Variants in CMTR1 observed in about 807,000 individuals in gnomAD.
The protein encoded by CMTR1 is cap methyltransferase 1, also known as cap-specific mRNA (nucleoside-2'-O-)-methyltransferase 1.
CMTR1 carries 39 observed loss-of-function variants against 107.0 expected under a neutral mutation model. The observed-to-expected ratio is 0.36, with a 90% CI of 0.28 to 0.48. The LOEUF (loss-of-function observed/expected upper bound fraction) is 0.48, where lower values mean the gene tolerates loss of function less well. CMTR1 is among the 20% of genes least tolerant of loss of function. The pLI, the probability that CMTR1 is intolerant of heterozygous loss-of-function variation, is 0.99. For missense variants in CMTR1, 672 were observed against 1,064.9 expected, an observed-to-expected ratio of 0.63 and a Z score of 5.14; for synonymous variants, 366 against 379.5, an observed-to-expected ratio of 0.96 and a Z score of 0.41.
chr6:37,448,061 A>C (rs535233356), intron 4 of CMTR1, among the ~76,000 whole-genome samples: 1 of 151,810 alleles, frequency 6.6e-6, no homozygotes, highest in African/African-American at 2.4e-5. Context: ...AATACAAAAA[A>C]TTAGCCGGGC....
intron 11 of CMTR1, 70 bp from the exon 12 acceptor site, chr6:37,461,900 C>G: frequency 6.5e-7 from 1 of 1,548,898 alleles, no homozygotes; most frequent in South Asian, 1.1e-5. Flanking sequence ...CATATTTACT[C>G]CCAAGACTAC....
chr6:37,474,392 A>G, intron 17 of CMTR1, 132 bp from the exon 18 acceptor site: 2 of 1,041,668 alleles, frequency 1.9e-6, no homozygotes, highest in Non-Finnish European at 1.4e-6. Context: ...TTAATCTCTC[A>G]TAGACATTTT....
At chr6:37,476,223 TTC>T in intron 20 of CMTR1, 29 bp downstream of exon 20, 1 of 1,612,260 alleles carries the variant, frequency 6.2e-7, no homozygotes, top group African/African-American at 1.3e-5. Context: ...CCCTCCATGC[TTC>T]TTTCTGGCCA....
intron 10 of CMTR1, 99 bp downstream of exon 10, chr6:37,459,783 G>A: frequency 1.2e-6 from 1 of 845,010 alleles, no homozygotes; most frequent in South Asian, 1.4e-5. Flanking sequence ...TGCTCCCAAA[G>A]ATGGTATTTC....
chr6:37,464,415 C>T (rs1016036803), intron 13 of CMTR1, among the ~76,000 whole-genome samples: 2 of 150,664 alleles, frequency 1.3e-5, no homozygotes, highest in Non-Finnish European at 2.9e-5. Flanking sequence ...TGCAGTGAGC[C>T]GAGATCGCGC....
chr6:37,444,582 T>C (rs1319055919), intron 3 of CMTR1, among the ~76,000 whole-genome samples: 1 of 152,214 alleles, frequency 6.6e-6, no homozygotes, highest in Non-Finnish European at 1.5e-5. Flanking sequence ...TTATTCTTTT[T>C]CTGAAAGAAG....
At chr6:37,433,875 A>G (rs1771456975) in intron 1 of CMTR1, among the ~76,000 whole-genome samples, 1 of 152,116 alleles carries the variant, frequency 6.6e-6, no homozygotes, top group African/African-American at 2.4e-5. Flanking sequence ...CCCGTGGAAG[A>G]TGATAGGGTT....
chr6:37,458,526 A>C lies in CMTR1; in HGVS notation c.778-86A>C. The C allele has an allele frequency of 7.4e-7, 1 of 1,351,562 alleles. No homozygotes were observed. The highest frequency in any genetic ancestry group is 1.0e-6 in the Non-Finnish European group (1 of 976,276). 83.7% of individuals were successfully genotyped at this position (1,351,562 alleles called of 1,614,324 possible). On this transcript the variant is annotated intron_variant, in intron 8 of 23. Coordinates refer to ENST00000373451, the MANE Select transcript of CMTR1 (RefSeq NM_015050.3). This position sits in a 1 kb window ranked among gnomAD's most constrained non-coding sequence, Gnocchi z 4.7. ...CTGGATTGTACTTGCCGAAAGGCTT[A>C]TTTTACTCTCCCTGCATTCTCCTTC...
At chr6:37,477,773 C>T (rs1233899700) in intron 21 of CMTR1, 134 bp downstream of exon 21, 3 of 736,144 alleles carry the variant, frequency 4.1e-6, no homozygotes, top group South Asian at 1.4e-5. Flanking sequence ...CCCCTCACCT[C>T]ATCTGCCTCG....
At chr6:37,469,596 C>T (rs1267377543) in intron 13 of CMTR1, among the ~76,000 whole-genome samples, 2 of 124,912 alleles carry the variant, frequency 1.6e-5, no homozygotes, top group East Asian at 2.4e-4. Context: ...GGTGTGATCT[C>T]GGCTCGCTGC....
At chr6:37,442,917 CCTT>C (rs1416982745) in intron 2 of CMTR1, among the ~76,000 whole-genome samples, 1 of 152,104 alleles carries the variant, frequency 6.6e-6, no homozygotes. Context: ...GAGTGGTGTC[CCTT>C]CTTCTTCAAA....
intron 4 of CMTR1, among the ~76,000 whole-genome samples, chr6:37,448,443 C>G (rs11756941): frequency 0.17 from 25,853 of 152,060 alleles, 3,169 homozygotes; most frequent in East Asian, 0.55. Flanking sequence ...TCTGCTTTTT[C>G]TTTCCAAGTT....
At chr6:37,477,832 G>T (rs1210343013) in intron 21 of CMTR1, among the ~76,000 whole-genome samples, 193 bp downstream of exon 21, 1 of 152,214 alleles carries the variant, frequency 6.6e-6, no homozygotes, top group Non-Finnish European at 1.5e-5. Context: ...AGCTGCTTCA[G>T]CATCCTATCA....
chr6:37,424,482 C>T, the CMTR1 span, among the ~76,000 whole-genome samples: 3 of 151,744 alleles, frequency 2.0e-5, no homozygotes, highest in South Asian at 2.1e-4. Flanking sequence ...CTCCTGACCT[C>T]GTGATCCGCC....
rs1761700746 is a variant in CMTR1 at position 37,474,660 on chromosome 6, C to G, written c.1944+14C>G. ...CTGAAAGGGGAGGTCAGAGATGGTT[C>G]TGCTCAGGTGTTGGCCCTGCAGCTA... On this transcript the variant is annotated intron_variant, in intron 18 of 23. Transcript: ENST00000373451. The G allele has an allele frequency of 6.2e-7, 1 of 1,612,758 alleles. No homozygotes were observed.
At chr6:37,446,549 T>C in intron 4 of CMTR1, 100 bp downstream of exon 4, 1 of 1,387,610 alleles carries the variant, frequency 7.2e-7, no homozygotes, top group Non-Finnish European at 9.8e-7. Flanking sequence ...CCAGAGGCAG[T>C]ATGAGCAAAG....
intron 6 of CMTR1, 37 bp from the exon 7 acceptor site, chr6:37,453,010 C>T (rs932595223): frequency 8.8e-6 from 14 of 1,594,022 alleles, no homozygotes; most frequent in Non-Finnish European, 8.6e-6. Flanking sequence ...CCTTTCCTAT[C>T]CTGGAATTCA....
intron 2 of CMTR1, among the ~76,000 whole-genome samples, chr6:37,437,047 C>T (rs1463652078): frequency 2.0e-5 from 3 of 152,140 alleles, no homozygotes; most frequent in South Asian, 4.1e-4. Flanking sequence ...AATGGAGCAT[C>T]GGTGTCGCTG....
intron 13 of CMTR1, among the ~76,000 whole-genome samples, chr6:37,464,642 T>C (rs983955767): frequency 6.6e-5 from 10 of 152,276 alleles, no homozygotes; most frequent in African/African-American, 2.4e-4. Context: ...TTCATTCATA[T>C]TATGTTAGTT....
Sources: allele counts gnomAD v4.1 joint callset (sites outside exome capture counted in the v4.1 genomes callset), GRCh38; gene constraint gnomAD v4.1.1; non-coding constraint Gnocchi (gnomAD v3.1); transcripts MANE v1.5; gene names NCBI Gene and HGNC (gene_info 2026-07-23, HGNC 2026-07-21).